Variants in SGMS1 observed in about 807,000 individuals in gnomAD.
SGMS1 encodes sphingomyelin synthase 1.
A neutral mutation model predicts 46.2 loss-of-function variants in SGMS1; 13 were observed. The observed-to-expected ratio is 0.28, with a 90% CI of 0.18 to 0.45. The LOEUF is 0.45. SGMS1 is among the 20% of genes least tolerant of loss of function. The probability of loss-of-function intolerance (pLI) is 1.00; values close to 1 mark genes in which losing one functional copy is unlikely to be tolerated. For missense variants in SGMS1, 324 were observed against 519.9 expected, an observed-to-expected ratio of 0.62 and a Z score of 3.66; for synonymous variants, 203 against 187.8, an observed-to-expected ratio of 1.08 and a Z score of -0.66.
chr10:50,554,136 A>G (rs1021673886), intron 2 of SGMS1, among the ~76,000 whole-genome samples: 1 of 152,196 alleles, frequency 6.6e-6, no homozygotes, highest in Admixed American at 6.5e-5. Context: ...TGGGATCACC[A>G]TTAGTCAAGA....
intron 6 of SGMS1, among the ~76,000 whole-genome samples, chr10:50,431,269 T>A (rs1849401762): frequency 6.6e-6 from 1 of 152,184 alleles, no homozygotes; most frequent in African/African-American, 2.4e-5. Flanking sequence ...CATCCCTGAC[T>A]CAGCGGGAAC....
chr10:50,395,401 T>G (rs1465386025), intron 6 of SGMS1, among the ~76,000 whole-genome samples: 1 of 152,180 alleles, frequency 6.6e-6, no homozygotes, highest in Non-Finnish European at 1.5e-5. Context: ...GACATACTGA[T>G]GCATGTGGAT....
At chr10:50,526,659 C>A (rs972710126) in intron 2 of SGMS1, among the ~76,000 whole-genome samples, 9 of 152,152 alleles carry the variant, frequency 5.9e-5, no homozygotes, top group African/African-American at 2.4e-5. Flanking sequence ...ATTATTACTG[C>A]CAAATAATTT....
rs16937751 is a variant in SGMS1, at chr10:50,504,085, G to A, written c.-498+15746C>T. 7.2e-3 allele frequency among the ~76,000 whole-genome samples: 1,090 copies of A among 152,278 alleles called. 11 individuals carry two copies. Among genetic ancestry groups the A allele is most frequent in the African/African-American group, 0.024 (1,010 of 41,552 alleles). Reference sequence around the variant, plus strand: ...GAATGAGATGGCCTACATAAACAGTGCCCATAGCTCCTGTCTGAAAATTGA... The same window carrying A: ...GAATGAGATGGCCTACATAAACAGTACCCATAGCTCCTGTCTGAAAATTGA... On this transcript the variant is annotated intron_variant, in intron 3 of 10. Coordinates refer to ENST00000361781, the MANE Select transcript of SGMS1 (RefSeq NM_147156.4).
chr10:50,503,527 A>T (rs775168187), intron 3 of SGMS1, among the ~76,000 whole-genome samples: 1 of 151,940 alleles, frequency 6.6e-6, no homozygotes, highest in Admixed American at 6.6e-5. Flanking sequence ...CCAGAGAACA[A>T]CCCCCTTTGA....
intron 3 of SGMS1, among the ~76,000 whole-genome samples, chr10:50,474,719 C>G (rs1176651813): frequency 2.6e-5 from 4 of 151,958 alleles, no homozygotes; most frequent in East Asian, 1.9e-4. Flanking sequence ...AATGCCCTGC[C>G]TCTCCCTTAA....
In SGMS1 at chr10:50,449,783, AT is replaced by A. The variant is rs199986747; in HGVS notation, c.-313+10889del. Among the ~76,000 whole-genome samples, 1,043 of 151,680 alleles carry A rather than the reference AT, an allele frequency of 6.9e-3. 19 individuals carry two copies. Among genetic ancestry groups the A allele is most frequent in the African/African-American group, 0.024 (990 of 41,306 alleles). ...CCTGATCACCACTTAGCATACATGT[AT>A]TTTCCTTATTCATCTAGTTTGTCAT... is the stretch of plus-strand genomic sequence containing the variant. On this transcript the variant is annotated intron_variant, in intron 5 of 10. Transcript: ENST00000361781.
intron 3 of SGMS1, among the ~76,000 whole-genome samples, chr10:50,506,642 T>G (rs1837709273): frequency 6.6e-6 from 1 of 152,176 alleles, no homozygotes; most frequent in African/African-American, 2.4e-5. Context: ...CACAGGTCAC[T>G]CCTCCAGGAG....
chr10:50,421,955 C>A (rs1488447947), intron 6 of SGMS1, among the ~76,000 whole-genome samples: 1 of 152,182 alleles, frequency 6.6e-6, no homozygotes, highest in Admixed American at 6.5e-5. Flanking sequence ...TAGGCTCACA[C>A]CATGCCCCCT....
chr10:50,308,288 T>C (rs576579699), intron 9 of SGMS1, 140 bp from the exon 10 acceptor site: 2 of 716,818 alleles, frequency 2.8e-6, no homozygotes, highest in South Asian at 4.4e-5. Flanking sequence ...CTAAGGGCTG[T>C]CATTTATCTG....
rs537316951 is a variant in SGMS1, at chr10:50,609,638, G to A, written c.-684+14069C>T. 1.2e-4 allele frequency among the ~76,000 whole-genome samples: 18 copies of A among 149,450 alleles called. No individual in the cohort carries two copies. The South Asian group carries it at 3.9e-3, about 32-fold the overall frequency. The stretch of plus-strand genomic sequence containing the variant: ...ACAGTTACCTAGTATTCCATTGTGT[G>A]GATATACATAATTTGTTTAACCAAT... On this transcript the variant is annotated intron_variant, in intron 1 of 10. Transcript: ENST00000361781.
intron 7 of SGMS1, chr10:50,341,391 T>C (rs1403207908): frequency 4.4e-6 from 2 of 455,992 alleles, no homozygotes. Context: ...GGGTGGACGA[T>C]GCTTAGGAAG....
intron 2 of SGMS1, among the ~76,000 whole-genome samples, chr10:50,578,260 C>A (rs11006190): frequency 6.6e-6 from 1 of 152,082 alleles, no homozygotes; most frequent in Non-Finnish European, 1.5e-5. Flanking sequence ...GCTCCCTTTG[C>A]GGTATTTATG....
chr10:50,307,922 C>T lies in SGMS1; in HGVS notation c.1062+60G>A, dbSNP rs1847199731. The T allele has an allele frequency of 6.3e-7, 1 of 1,586,264 alleles. No individual in the cohort carries two copies. The highest frequency in any genetic ancestry group is 1.3e-5 in the African/African-American group (1 of 74,112). ...ATCCACAGGTTCTTTGCACCCTGTC[C>T]AAGCCAGCAACATCAAGCCAGAAAC... On this transcript the variant is annotated intron_variant, in intron 10 of 10. Coordinates refer to ENST00000361781, the MANE Select transcript of SGMS1 (RefSeq NM_147156.4). This position sits in a 1 kb window ranked among gnomAD's most constrained non-coding sequence, Gnocchi z 4.2.
chr10:50,453,359 A>G (rs1240039685), intron 5 of SGMS1, among the ~76,000 whole-genome samples: 2 of 152,006 alleles, frequency 1.3e-5, no homozygotes, highest in African/African-American at 2.4e-5. Flanking sequence ...TTAAGCACCT[A>G]TGTACTAAGT....
At chr10:50,542,242 G>A (rs939668029) in intron 2 of SGMS1, among the ~76,000 whole-genome samples, 9 of 152,034 alleles carry the variant, frequency 5.9e-5, no homozygotes, top group Non-Finnish European at 8.8e-5. Flanking sequence ...AATTTTCCAG[G>A]TTCTATGTCT....
At chr10:50,489,430 C>A (rs551966521) in intron 3 of SGMS1, among the ~76,000 whole-genome samples, 1 of 152,274 alleles carries the variant, frequency 6.6e-6, no homozygotes, top group African/African-American at 2.4e-5. Flanking sequence ...TATTATTCGA[C>A]CTGCTTCTTA....
At chr10:50,310,015 T>C (rs1847230464) in intron 9 of SGMS1, among the ~76,000 whole-genome samples, 2 of 152,166 alleles carry the variant, frequency 1.3e-5, no homozygotes, top group Admixed American at 6.5e-5. Context: ...GCAAGAGTGA[T>C]TTTTCTCTCT....
intron 7 of SGMS1, among the ~76,000 whole-genome samples, chr10:50,341,016 A>G (rs546031531): frequency 1.3e-5 from 2 of 152,298 alleles, no homozygotes; most frequent in South Asian, 4.1e-4. Flanking sequence ...TAAGTGGCAC[A>G]CCTCCTAGTG....
Sources: allele counts gnomAD v4.1 joint callset (sites outside exome capture counted in the v4.1 genomes callset), GRCh38; gene constraint gnomAD v4.1.1; non-coding constraint Gnocchi (gnomAD v3.1); transcripts MANE v1.5; gene names NCBI Gene and HGNC (gene_info 2026-07-23, HGNC 2026-07-21).